Variants in CNTN1 observed in about 807,000 individuals in gnomAD.
CNTN1 encodes contactin-1.
CNTN1 carries 38 observed loss-of-function variants against 126.4 expected under a neutral mutation model. That is an observed-to-expected ratio of 0.30 (90% CI 0.23 to 0.39). The LOEUF (loss-of-function observed/expected upper bound fraction) is 0.39. Ranked by LOEUF, CNTN1 falls within the 10% of genes least tolerant of loss-of-function variation. The pLI is 1.00. For missense variants in CNTN1, 1,009 were observed against 1,248.4 expected (o/e 0.81, Z 2.89); for synonymous variants, 413 against 422.6 (o/e 0.98, Z 0.28).
In CNTN1 at chr12:41,060,360, C is replaced by A. The variant is rs138664351; in HGVS notation, c.2981-9599C>A. ...CTTCAAGACTTGCACTGAAGAGGAA[C>A]CATTAACCTTGGCATAGTGGAACAT... On this transcript the variant is annotated intron_variant, in intron 23 of 23. Transcript: ENST00000551295. Among the ~76,000 whole-genome samples the A allele has an allele frequency of 4.0e-3, 604 of 152,272 alleles. 7 individuals carry two copies. The highest frequency in any genetic ancestry group is 0.014 in the African/African-American group (580 of 41,544).
At chr12:40,766,204 A>G (rs1939079447) in intron 1 of CNTN1, among the ~76,000 whole-genome samples, 1 of 152,120 alleles carries the variant, frequency 6.6e-6, no homozygotes, top group African/African-American at 2.4e-5. Context: ...CTAAAAATAC[A>G]AAAATTAGCC....
At chr12:40,938,406 T>C (rs1946154170) in intron 11 of CNTN1, among the ~76,000 whole-genome samples, 1 of 152,206 alleles carries the variant, frequency 6.6e-6, no homozygotes, top group Non-Finnish European at 1.5e-5. Flanking sequence ...ATTTTGGCAT[T>C]TTGCAGGGTG....
chr12:40,924,526 GA>G, intron 5 of CNTN1, 30 bp from the exon 6 acceptor site: 1 of 1,144,210 alleles, frequency 8.7e-7, no homozygotes, highest in African/African-American at 1.5e-5. Context: ...ACCAGAGAGT[GA>G]ATGTTTCTCT....
intron 1 of CNTN1, among the ~76,000 whole-genome samples, chr12:40,766,356 TAA>T (rs11381914): frequency 3.7e-4 from 49 of 133,800 alleles, no homozygotes; most frequent in Admixed American, 6.8e-4. Context: ...AACTCCGTCT[TAA>T]AAAAAAAAAA....
chr12:41,051,344 C>A (rs762584314), intron 23 of CNTN1, among the ~76,000 whole-genome samples: 3 of 151,166 alleles, frequency 2.0e-5, no homozygotes, highest in Non-Finnish European at 4.4e-5. Flanking sequence ...GTAGAGACAG[C>A]ATTTCACCGT....
At chr12:40,723,000 A>G (rs183115573) in intron 1 of CNTN1, among the ~76,000 whole-genome samples, 48 of 152,222 alleles carry the variant, frequency 3.2e-4, no homozygotes, top group African/African-American at 1.1e-3. Context: ...TCGCCTTACT[A>G]GATCTGACTT....
chr12:40,846,424 C>T (rs1470817757), intron 1 of CNTN1, among the ~76,000 whole-genome samples: 1 of 152,176 alleles, frequency 6.6e-6, no homozygotes, highest in Admixed American at 6.5e-5. Context: ...GCCGAGATTG[C>T]GCCACTGCAC....
At chr12:40,958,473 A>C (rs1946979608) in intron 14 of CNTN1, among the ~76,000 whole-genome samples, 1 of 151,888 alleles carries the variant, frequency 6.6e-6, no homozygotes, top group African/African-American at 2.4e-5. Flanking sequence ...ATTACATTGA[A>C]ATGGTGTCTC....
chr12:41,002,956 C>A (rs1386525165), intron 17 of CNTN1, among the ~76,000 whole-genome samples: 1 of 152,054 alleles, frequency 6.6e-6, no homozygotes, highest in African/African-American at 2.4e-5. Context: ...GCCTGATTGC[C>A]CTGGCTAGGA....
At chr12:41,009,616 A>T (rs1948595582) in intron 17 of CNTN1, among the ~76,000 whole-genome samples, 2 of 152,180 alleles carry the variant, frequency 1.3e-5, no homozygotes, top group South Asian at 4.1e-4. Flanking sequence ...AGTAGTCTTC[A>T]TTCCCCATTG....
In CNTN1 at chr12:40,714,659, AT is replaced by A. The variant is rs896581671; in HGVS notation, c.-77+22075del. On this transcript the variant is annotated intron_variant, in intron 1 of 23. Transcript: ENST00000551295. ...TTGTCAAAAATGCTATTTAACATGA[AT>A]TTTTTTTATAGAAATGAAGCAACTA... Among the ~76,000 whole-genome samples the A allele has an allele frequency of 6.8e-4, 103 of 152,114 alleles. 2 individuals carry two copies. The highest frequency in any genetic ancestry group is 5.4e-4 in the Non-Finnish European group (37 of 67,938).
chr12:41,035,263 G>A (rs1247667376), intron 23 of CNTN1, among the ~76,000 whole-genome samples: 1 of 152,144 alleles, frequency 6.6e-6, no homozygotes, highest in Non-Finnish European at 1.5e-5. Context: ...CCTCCAAGAT[G>A]TACTTTCTAC....
intron 1 of CNTN1, among the ~76,000 whole-genome samples, chr12:40,879,374 A>C (rs1021833542): frequency 3.9e-5 from 6 of 152,182 alleles, no homozygotes; most frequent in African/African-American, 1.4e-4. Context: ...AAAGTCCCTT[A>C]GCTTACTCAA....
chr12:41,047,769 T>C (rs1949578669), intron 23 of CNTN1, among the ~76,000 whole-genome samples: 1 of 152,136 alleles, frequency 6.6e-6, no homozygotes, highest in Admixed American at 6.6e-5. Context: ...TGCATTACTC[T>C]GTCCTCTCCA....
At chr12:40,836,399 C>T (rs1057058535) in intron 1 of CNTN1, among the ~76,000 whole-genome samples, 16 of 151,386 alleles carry the variant, frequency 1.1e-4, no homozygotes, top group Admixed American at 9.2e-4. Context: ...TTGTAAATCT[C>T]TTGAGGTTAG....
intron 1 of CNTN1, among the ~76,000 whole-genome samples, chr12:40,692,996 G>A (rs565833481): frequency 2.2e-4 from 34 of 152,310 alleles, no homozygotes; most frequent in Non-Finnish European, 3.8e-4. Flanking sequence ...TTTTTCTCCC[G>A]ACGCCGGCCC....
chr12:40,946,715 A>G (rs1946446630), intron 14 of CNTN1, among the ~76,000 whole-genome samples: 1 of 152,148 alleles, frequency 6.6e-6, no homozygotes, highest in South Asian at 2.1e-4. Context: ...TATTTCAAGA[A>G]CCTAAGTTTT....
chr12:41,064,766 T>A (rs905627931), intron 23 of CNTN1, among the ~76,000 whole-genome samples: 3 of 130,266 alleles, frequency 2.3e-5, no homozygotes, highest in Non-Finnish European at 3.2e-5. Context: ...TTATGCTACC[T>A]CTCTAGATAG....
At chr12:41,025,902 G>A (rs756281696) in intron 21 of CNTN1, among the ~76,000 whole-genome samples, 3 of 152,070 alleles carry the variant, frequency 2.0e-5, no homozygotes, top group Non-Finnish European at 4.4e-5. Context: ...GAACCCAAGT[G>A]GAATAAGTAA....
Sources: gnomAD v4.1 joint callset for allele counts (sites outside exome capture counted in the v4.1 genomes callset) on GRCh38, gnomAD v4.1.1 for gene constraint, MANE v1.5 for transcripts, NCBI Gene and HGNC (gene_info 2026-07-23, HGNC 2026-07-21) for gene names.